The following MALT1 variants were observed in gnomAD, a reference collection of about 807,000 sequenced individuals.
MALT1 encodes mucosa-associated lymphoid tissue lymphoma translocation protein 1.
MALT1 carries 36 observed loss-of-function variants against 85.5 expected under a neutral mutation model. That is an observed-to-expected ratio of 0.42 (90% CI 0.32 to 0.56). MALT1 has a LOEUF of 0.56. Ranked by LOEUF, MALT1 falls within the 20% of genes least tolerant of loss-of-function variation. MALT1 has a pLI of 0.10. For synonymous variants in MALT1, 359 were observed against 361.3 expected (o/e 0.99, Z 0.07); for missense variants, 716 against 981.6 (o/e 0.73, Z 3.62).
intron 10 of MALT1, among the ~76,000 whole-genome samples, chr18:58,731,257 T>A (rs2055145457): frequency 6.6e-6 from 1 of 152,100 alleles, no homozygotes; most frequent in African/African-American, 2.4e-5. Flanking sequence ...CTGGCCGTCA[T>A]TAGTCTTTTT....
chr18:58,722,464 G>A lies in MALT1; in HGVS notation c.1019-584G>A, dbSNP rs549141743. Reference sequence around the variant, plus strand: ...AAATAGCCTCATCTGAGTCAAATGGGGGAGTATTTTTAAAAGATGCTAAGA... The same window carrying A: ...AAATAGCCTCATCTGAGTCAAATGGAGGAGTATTTTTAAAAGATGCTAAGA... On this transcript the variant is annotated intron_variant, in intron 9 of 16. Coordinates refer to ENST00000649217, the MANE Select transcript of MALT1 (RefSeq NM_006785.4). Among the ~76,000 whole-genome samples the A allele has an allele frequency of 7.9e-4, 121 of 152,270 alleles. 1 individual carries two copies. The highest frequency in any genetic ancestry group is 2.9e-3 in the African/African-American group (119 of 41,546).
chr18:58,734,394 G>A lies in MALT1; in HGVS notation c.1475+13G>A, dbSNP rs771820611. 26 of 1,603,800 alleles carry A rather than the reference G, an allele frequency of 1.6e-5. No individual in the cohort carries two copies. The highest frequency in any genetic ancestry group is 2.0e-5 in the Non-Finnish European group (23 of 1,170,694). ...TTGGATATGCCACGTAAGAACATTT[G>A]ATGTTTACGTTGAAGTTTCCTTTAT... On this transcript the variant is annotated intron_variant, in intron 12 of 16. Coordinates refer to ENST00000649217, the MANE Select transcript of MALT1 (RefSeq NM_006785.4).
At chr18:58,688,759 C>T (rs571952287) in intron 2 of MALT1, among the ~76,000 whole-genome samples, 2 of 152,160 alleles carry the variant, frequency 1.3e-5, no homozygotes, top group African/African-American at 4.8e-5. Flanking sequence ...TATTCATGAG[C>T]CGTGTCCTGG....
Position 58,735,184 on chromosome 18 carries a change from T to A in MALT1, c.1476-18T>A. ...TTGCCTTTCTGTGCCTGGCTTAACT[T>A]CTTTTTCTATTTTTAAGGTGTCAAG... On this transcript the variant is annotated intron_variant, in intron 12 of 16. Transcript: ENST00000649217. 6.3e-7 allele frequency: 1 copy of A among 1,597,622 alleles called. No homozygotes were observed.
chr18:58,715,872 G>GTATCTTTACATGAAA, intron 8 of MALT1, 63 bp from the exon 9 acceptor site: 2 of 1,085,292 alleles, frequency 1.8e-6, no homozygotes, highest in South Asian at 2.6e-5. Flanking sequence ...TACTTTTCAT[G>GTATCTTTACATGAAA]TATCTTTAAC....
rs1451206988 is a variant in MALT1 at position 58,749,591 on chromosome 18, A to G, written c.*1749A>G. On this transcript the variant is annotated 3_prime_UTR_variant, in exon 17 of 17. Transcript: ENST00000649217. ...ACCCATTTACACATATCCACAAATG[A>G]CTGCAAAAGTGCCACGGATATCAAT... 1 of 219,426 alleles carries G rather than the reference A, an allele frequency of 4.6e-6. No homozygotes were observed. Among genetic ancestry groups the G allele is most frequent in the African/African-American group, 2.2e-5 (1 of 44,574 alleles). The allele number at this position is 219,426 out of a possible 1,614,324, so 13.6% of individuals were successfully genotyped here. A position where few individuals can be genotyped will look rare whatever the true frequency, so the allele number is the denominator to read the frequency against.
intron 13 of MALT1, among the ~76,000 whole-genome samples, chr18:58,741,057 A>G (rs1030835645): frequency 1.3e-5 from 2 of 151,990 alleles, no homozygotes; most frequent in African/African-American, 4.8e-5. Context: ...CTAATATGCT[A>G]TTTTTTACAC....
chr18:58,697,857 G>A (rs2054612597), intron 3 of MALT1, among the ~76,000 whole-genome samples: 1 of 152,190 alleles, frequency 6.6e-6, no homozygotes, highest in Admixed American at 6.5e-5. Flanking sequence ...TAGGTGTGAT[G>A]ATACAGCACT....
chr18:58,732,758 G>A (rs1370132613), intron 10 of MALT1, among the ~76,000 whole-genome samples: 1 of 116,592 alleles, frequency 8.6e-6, no homozygotes, highest in East Asian at 3.1e-4. Flanking sequence ...AGAAATCCTA[G>A]CTGCATTCTT....
At chr18:58,743,785 T>A (rs2144487928) in intron 14 of MALT1, among the ~76,000 whole-genome samples, 1 of 152,314 alleles carries the variant, frequency 6.6e-6, no homozygotes, top group Non-Finnish European at 1.5e-5. Flanking sequence ...AGTAGACAAA[T>A]GTTTTAAAAA....
At position 58,754,308 on chromosome 18, in the gene MALT1, T is replaced by A. The variant is rs1188717775; in HGVS notation, c.*6466T>A. Reference sequence around the variant, plus strand: ...AAAACACTTTTAAAATATTGAAACATTATAGGAGCAGAAGTACATCTCTAA... The same window carrying A: ...AAAACACTTTTAAAATATTGAAACAATATAGGAGCAGAAGTACATCTCTAA... On this transcript the variant is annotated 3_prime_UTR_variant, in exon 17 of 17. Transcript: ENST00000649217. The A allele has an allele frequency of 6.6e-6, 1 of 152,186 alleles. No individual in the cohort carries two copies. Among genetic ancestry groups the A allele is most frequent in the African/African-American group, 2.4e-5 (1 of 41,440 alleles). The allele number at this position is 152,186 out of a possible 1,614,324, so 9.4% of individuals were successfully genotyped here. A position where few individuals can be genotyped will look rare whatever the true frequency, so the allele number is the denominator to read the frequency against.
intron 10 of MALT1, among the ~76,000 whole-genome samples, chr18:58,732,733 C>A (rs2055167920): frequency 7.3e-6 from 1 of 136,298 alleles, no homozygotes; most frequent in African/African-American, 3.1e-5. Flanking sequence ...ATGGAGGAGA[C>A]AAATGAGTCA....
intron 1 of MALT1, among the ~76,000 whole-genome samples, chr18:58,675,135 TAGAC>T (rs765620836): frequency 1.3e-5 from 2 of 152,186 alleles, no homozygotes; most frequent in Non-Finnish European, 2.9e-5. Context: ...TTAGTGTAGA[TAGAC>T]ACAGACTCTG....
At chr18:58,736,442 T>TAA (rs34656371) in intron 13 of MALT1, among the ~76,000 whole-genome samples, 17,138 of 145,306 alleles carry the variant, frequency 0.12, 1,520 homozygotes, top group African/African-American at 0.26. Context: ...TCTGCTGCTT[T>TAA]AAAAAAAAAA....
chr18:58,733,506 T>C lies in MALT1; in HGVS notation c.1332T>C (p.Asn444=), dbSNP rs151214489. 2 of 1,612,796 alleles carry C rather than the reference T, an allele frequency of 1.2e-6. No individual in the cohort carries two copies. Among genetic ancestry groups the C allele is most frequent in the Non-Finnish European group, 1.7e-6 (2 of 1,178,984 alleles). ...YRSENCLCVQ[N]ILKLMQEKET... ...CTGAAAATTGTCTGTGTGTACAAAA[T>C]ATACTGAAATTGATGCAAGAAAAAG... Residue 444 remains asparagine, a synonymous_variant, in exon 11 of 17, where the codon AAT becomes AAC. Coordinates refer to ENST00000649217, the MANE Select transcript of MALT1 (RefSeq NM_006785.4).
At chr18:58,747,125 A>G (rs1242889766) in intron 16 of MALT1, among the ~76,000 whole-genome samples, 4 of 152,346 alleles carry the variant, frequency 2.6e-5, no homozygotes, top group African/African-American at 9.6e-5. Context: ...TTCCCTGTTC[A>G]TCTAGAGTGT....
intron 7 of MALT1, 62 bp downstream of exon 7, chr18:58,711,015 G>A: frequency 7.9e-7 from 1 of 1,273,024 alleles, no homozygotes; most frequent in Non-Finnish European, 1.1e-6. Flanking sequence ...TGGGATTGGT[G>A]GAGTGCTTTT....
At chr18:58,715,241 A>C (rs2054882739) in intron 8 of MALT1, among the ~76,000 whole-genome samples, 1 of 152,236 alleles carries the variant, frequency 6.6e-6, no homozygotes, top group African/African-American at 2.4e-5. Flanking sequence ...AAGTTATTTC[A>C]GAAAAACTTT....
intron 14 of MALT1, 58 bp downstream of exon 14, chr18:58,742,072 G>T: frequency 7.5e-7 from 1 of 1,328,936 alleles, no homozygotes. Flanking sequence ...AAATCATAAA[G>T]TTTCTTCTGA....
Sources: allele counts gnomAD v4.1 joint callset (sites outside exome capture counted in the v4.1 genomes callset), GRCh38; gene constraint gnomAD v4.1.1; transcripts MANE v1.5; gene names NCBI Gene and HGNC (gene_info 2026-07-23, HGNC 2026-07-21).